The following LDLRAD3 variants were observed in gnomAD, a reference collection of about 807,000 sequenced individuals.
LDLRAD3 encodes the protein low-density lipoprotein receptor class A domain-containing protein 3.
Under a neutral mutation model 29.4 loss-of-function variants are expected in LDLRAD3, and 20 were observed. The observed-to-expected ratio is 0.68, with a 90% CI of 0.48 to 0.99. LDLRAD3 has a LOEUF of 0.99. Among genes scored for constraint, LDLRAD3 ranks in the 50% least tolerant of loss-of-function variants. LDLRAD3 has a pLI of 0.00. For missense variants in LDLRAD3, 420 were observed against 454.3 expected (o/e 0.92, Z 0.69); for synonymous variants, 157 against 192.7 (o/e 0.81, Z 1.53).
chr11:36,011,644 C>CA (rs774411258), intron 1 of LDLRAD3, among the ~76,000 whole-genome samples: 16 of 152,114 alleles, frequency 1.1e-4, no homozygotes, highest in Non-Finnish European at 2.1e-4. Flanking sequence ...TATTCTTCAT[C>CA]AACAGGTCTA....
At chr11:36,203,506 A>G (rs1309561244) in intron 4 of LDLRAD3, among the ~76,000 whole-genome samples, 1 of 152,082 alleles carries the variant, frequency 6.6e-6, no homozygotes, top group African/African-American at 2.4e-5. Flanking sequence ...TTTAATGTCC[A>G]TGGGCACCCA....
intron 4 of LDLRAD3, among the ~76,000 whole-genome samples, chr11:36,099,896 T>C (rs917834559): frequency 6.6e-6 from 1 of 152,184 alleles, no homozygotes; most frequent in Admixed American, 6.5e-5. Flanking sequence ...GAGTCTTGGA[T>C]AGAATTAGCT....
At chr11:36,057,151 T>G (rs1336968972) in intron 2 of LDLRAD3, among the ~76,000 whole-genome samples, 1 of 152,092 alleles carries the variant, frequency 6.6e-6, no homozygotes, top group Non-Finnish European at 1.5e-5. Context: ...TCAGGAGGCC[T>G]AGGATAGACT....
At chr11:36,131,568 T>C (rs11822239) in intron 4 of LDLRAD3, among the ~76,000 whole-genome samples, 2,925 of 152,316 alleles carry the variant, frequency 0.019, 83 homozygotes, top group African/African-American at 0.067. Flanking sequence ...ATTCCTATTA[T>C]TGGGGATGCT....
chr11:36,029,244 AAAAC>A (rs59122733), intron 1 of LDLRAD3, among the ~76,000 whole-genome samples: 8 of 151,132 alleles, frequency 5.3e-5, no homozygotes, highest in South Asian at 4.2e-4. Context: ...ACTCCATCTC[AAAAC>A]AAACAAACAA....
chr11:36,024,778 G>A (rs262432), intron 1 of LDLRAD3, among the ~76,000 whole-genome samples: 121,272 of 152,182 alleles, frequency 0.8, 50,486 homozygotes, highest in Non-Finnish European at 0.92. Context: ...GCCCATCTGA[G>A]CCTTGCTCAG....
chr11:36,220,977 T>G (rs1218084685), intron 4 of LDLRAD3, among the ~76,000 whole-genome samples: 1 of 151,808 alleles, frequency 6.6e-6, no homozygotes, highest in Non-Finnish European at 1.5e-5. Flanking sequence ...AATTGCAAGG[T>G]AGGAGTTTTT....
intron 4 of LDLRAD3, among the ~76,000 whole-genome samples, chr11:36,120,454 A>G (rs966754427): frequency 1.3e-5 from 2 of 152,202 alleles, no homozygotes; most frequent in Non-Finnish European, 2.9e-5. Flanking sequence ...TCTCCTGAGC[A>G]CTTTATGCAT....
At chr11:36,190,943 G>T (rs938485409) in intron 4 of LDLRAD3, among the ~76,000 whole-genome samples, 1 of 152,126 alleles carries the variant, frequency 6.6e-6, no homozygotes, top group Non-Finnish European at 1.5e-5. Flanking sequence ...GAAACAAATC[G>T]TTTCAACTCA....
intron 4 of LDLRAD3, among the ~76,000 whole-genome samples, chr11:36,151,588 G>T (rs1414312842): frequency 6.6e-6 from 1 of 152,002 alleles, no homozygotes; most frequent in Non-Finnish European, 1.5e-5. Flanking sequence ...ATGGCACTCC[G>T]CTCCCTCCTT....
intron 4 of LDLRAD3, among the ~76,000 whole-genome samples, chr11:36,134,193 G>A (rs1407879862): frequency 6.6e-6 from 1 of 152,134 alleles, no homozygotes; most frequent in African/African-American, 2.4e-5. Context: ...AAACTGAAAA[G>A]GGAGATCCGG....
intron 2 of LDLRAD3, among the ~76,000 whole-genome samples, chr11:36,059,029 C>G (rs1237484233): frequency 6.6e-6 from 1 of 152,178 alleles, no homozygotes. Context: ...TCCCTCTGTG[C>G]TCTCAGAGCA....
chr11:36,031,698 G>C (rs1852237846), intron 1 of LDLRAD3, among the ~76,000 whole-genome samples: 1 of 152,160 alleles, frequency 6.6e-6, no homozygotes, highest in Non-Finnish European at 1.5e-5. Flanking sequence ...GACACTACCA[G>C]CGTGAAAAAC....
At position 35,978,621 on chromosome 11, in the gene LDLRAD3, C is replaced by T. The variant is rs115808911; in HGVS notation, c.46+34477C>T. Among the ~76,000 whole-genome samples, 926 of 152,278 alleles carry T rather than the reference C, an allele frequency of 6.1e-3. 8 individuals carry two copies. Among genetic ancestry groups the T allele is most frequent in the African/African-American group, 0.02 (836 of 41,548 alleles). On this transcript the variant is annotated intron_variant, in intron 1 of 5. Transcript: ENST00000315571. ...TCTATGTGTCAGTCCTGAAAGGATT[C>T]GCTGTTTTCTTAGCCTCATGGTCTC...
chr11:36,191,626 ACG>A lies in LDLRAD3; in HGVS notation c.455-35457_455-35456del, dbSNP rs1309438566. ...CACACACACACACACACACACACGC[ACG>A]CACGCACGCACAAAGAAGAAATTGA... On this transcript the variant is annotated intron_variant, in intron 4 of 5. Transcript: ENST00000315571. 7.9e-3 allele frequency among the ~76,000 whole-genome samples: 1,020 copies of A among 128,346 alleles called. 32 individuals carry two copies. The highest frequency in any genetic ancestry group is 0.035 in the African/African-American group (954 of 27,178). The allele number at this position is 128,346 out of a possible 152,430, so 84.2% of individuals were successfully genotyped here.
chr11:36,030,716 A>G (rs1174254686), intron 1 of LDLRAD3, among the ~76,000 whole-genome samples: 1 of 152,224 alleles, frequency 6.6e-6, no homozygotes, highest in Non-Finnish European at 1.5e-5. Context: ...CAGGAAGCAG[A>G]GGATAAAAAT....
intron 2 of LDLRAD3, among the ~76,000 whole-genome samples, chr11:36,049,474 G>C: frequency 6.6e-6 from 1 of 152,180 alleles, no homozygotes; most frequent in Admixed American, 6.5e-5. Flanking sequence ...TTTTCTAAAG[G>C]TTGGGAGTGG....
intron 1 of LDLRAD3, among the ~76,000 whole-genome samples, chr11:36,007,300 T>A (rs956193383): frequency 6.6e-6 from 1 of 152,204 alleles, no homozygotes; most frequent in African/African-American, 2.4e-5. Flanking sequence ...CCCTGTAATT[T>A]GCAATGTTTG....
At chr11:36,188,251 A>G (rs142370587) in intron 4 of LDLRAD3, among the ~76,000 whole-genome samples, 223 of 152,090 alleles carry the variant, frequency 1.5e-3, no homozygotes, top group Middle Eastern at 0.01. Context: ...ACCTACCTTC[A>G]AAACTTGTAG....
Sources: gnomAD v4.1 joint callset for allele counts (sites outside exome capture counted in the v4.1 genomes callset) on GRCh38, gnomAD v4.1.1 for gene constraint, MANE v1.5 for transcripts, NCBI Gene and HGNC (gene_info 2026-07-23, HGNC 2026-07-21) for gene names.